ABHD3: variants seen among roughly 807,000 people sequenced by gnomAD.
The protein encoded by ABHD3 is abhydrolase domain containing 3, phospholipase.
Under a neutral mutation model 48.8 loss-of-function variants are expected in ABHD3, and 46 were observed. The ratio of observed to expected loss-of-function variants is 0.94; its 90% CI spans 0.74 to 1.20. The LOEUF (loss-of-function observed/expected upper bound fraction) is 1.20, where lower values mean the gene tolerates loss of function less well. Among genes scored for constraint, ABHD3 ranks in the 50% most tolerant of loss-of-function variants. The pLI is 0.00. For synonymous variants in ABHD3, 192 were observed against 183.7 expected (o/e 1.04, Z -0.36); for missense variants, 490 against 497.8 (o/e 0.98, Z 0.15).
intron 8 of ABHD3, among the ~76,000 whole-genome samples, chr18:21,652,073 A>G (rs1422640547): frequency 6.6e-6 from 1 of 152,220 alleles, no homozygotes; most frequent in Non-Finnish European, 1.5e-5. Flanking sequence ...AAGTAAGACA[A>G]TTCAAGGAAT....
Position 21,704,623 on chromosome 18 carries a change from G to C in ABHD3, c.43C>G (p.Leu15Val), listed in dbSNP as rs935575726. 4.5e-6 allele frequency: 7 copies of C among 1,550,174 alleles called. No individual in the cohort carries two copies. Among genetic ancestry groups the C allele is most frequent in the Non-Finnish European group, 6.1e-6 (7 of 1,151,274 alleles). The change falls in exon 1 of 9, where the codon CTC (leucine) becomes GTC (valine). Residue 15 changes from leucine (L) to valine (V), a missense_variant. Physicochemically the swap from Leu to Val is conservative, Grantham distance 32 (BLOSUM62 1). Coordinates refer to ENST00000289119, the MANE Select transcript of ABHD3 (RefSeq NM_138340.5). ...ACTTGGTGTTCCAGGTAGAGGGAGA[G>C]CTCCCGGGACAACATCCGCAGGTCC... ...AMDLRMLSRE[L>V]SLYLEHQVRV...
At chr18:21,657,495 C>T (rs2039385374) in intron 6 of ABHD3, among the ~76,000 whole-genome samples, 2 of 151,918 alleles carry the variant, frequency 1.3e-5, no homozygotes, top group African/African-American at 4.8e-5. Flanking sequence ...TGCACCACCA[C>T]ACCCCACCAA....
chr18:21,656,758 C>T (rs1432909582), intron 8 of ABHD3, 103 bp downstream of exon 8: 1 of 1,150,798 alleles, frequency 8.7e-7, no homozygotes, highest in Admixed American at 2.9e-5. Context: ...GTTTTTTTAT[C>T]ATAATGGAAA....
At chr18:21,662,803 T>G (rs189792493) in intron 5 of ABHD3, among the ~76,000 whole-genome samples, 4 of 152,342 alleles carry the variant, frequency 2.6e-5, no homozygotes, top group Non-Finnish European at 5.9e-5. Context: ...CTTCAGGCAC[T>G]GAGGCTTCAA....
chr18:21,684,966 G>A (rs531171723), intron 3 of ABHD3, among the ~76,000 whole-genome samples: 16 of 152,294 alleles, frequency 1.1e-4, no homozygotes, highest in South Asian at 2.1e-4. Context: ...GTAAGTACTC[G>A]GTGAAAGTTA....
rs377034600 is a variant in ABHD3, at chr18:21,704,579, G to A, written c.87C>T (p.Gly29=). The change falls in exon 1 of 9, where the codon GGC becomes GGT. Residue 29 remains glycine (G), a synonymous_variant. Coordinates refer to ENST00000289119, the MANE Select transcript of ABHD3 (RefSeq NM_138340.5). ...GGATAAGGGATAAGCCCACCCCCGA[G>A]CCGAAGAACCCCACCCGGACTTGGT... is the stretch of plus-strand genomic sequence containing the variant. ...LEHQVRVGFF[G]SGVGLSLILG... The A allele has an allele frequency of 1.1e-5, 17 of 1,547,638 alleles. No homozygotes were observed. The highest frequency in any genetic ancestry group is 8.7e-7 in the Non-Finnish European group (1 of 1,149,958).
At chr18:21,670,515 G>A (rs1320504599) in intron 4 of ABHD3, among the ~76,000 whole-genome samples, 2 of 152,158 alleles carry the variant, frequency 1.3e-5, no homozygotes, top group African/African-American at 4.8e-5. Context: ...TTAAGCCTCT[G>A]CCAAGCATTC....
chr18:21,703,814 C>G, intron 1 of ABHD3, 67 bp from the exon 2 acceptor site: 1 of 1,552,614 alleles, frequency 6.4e-7, no homozygotes, highest in Non-Finnish European at 8.8e-7. Flanking sequence ...AACCAGAAAC[C>G]GGCAAAGACT....
chr18:21,663,180 T>G (rs2039541501), intron 5 of ABHD3, among the ~76,000 whole-genome samples: 1 of 152,158 alleles, frequency 6.6e-6, no homozygotes, highest in Non-Finnish European at 1.5e-5. Context: ...GTAAATGCTG[T>G]TCATTATCTT....
chr18:21,663,283 A>G (rs2039544117), intron 5 of ABHD3, among the ~76,000 whole-genome samples: 1 of 152,140 alleles, frequency 6.6e-6, no homozygotes, highest in Non-Finnish European at 1.5e-5. Flanking sequence ...AAGATGTTCT[A>G]AAAACTGAAA....
chr18:21,655,167 A>G (rs1344582639), intron 8 of ABHD3: 3 of 151,952 alleles, frequency 2.0e-5, no homozygotes, highest in African/African-American at 7.3e-5. Context: ...ATATACACAC[A>G]CTGGGGATTT....
At chr18:21,671,515 G>A (rs1282231621) in intron 4 of ABHD3, among the ~76,000 whole-genome samples, 2 of 151,960 alleles carry the variant, frequency 1.3e-5, no homozygotes, top group Non-Finnish European at 2.9e-5. Context: ...TCTGTTACTC[G>A]GGCTAGTAAT....
At chr18:21,666,625 T>C (rs533634883) in intron 4 of ABHD3, among the ~76,000 whole-genome samples, 24 of 152,284 alleles carry the variant, frequency 1.6e-4, no homozygotes, top group African/African-American at 5.8e-4. Flanking sequence ...CCACTGTGCC[T>C]GGCCAAACAT....
chr18:21,684,311 CTTTTTTTTTTTT>C (rs564516602), intron 3 of ABHD3, among the ~76,000 whole-genome samples: 1 of 82,818 alleles, frequency 1.2e-5, no homozygotes, highest in South Asian at 4.9e-4. Context: ...AATGTTTTTG[CTTTTTTTTTTTT>C]TTTTTTTTTT....
chr18:21,667,326 C>T (rs1254676703), intron 4 of ABHD3, among the ~76,000 whole-genome samples: 1 of 148,504 alleles, frequency 6.7e-6, no homozygotes, highest in Non-Finnish European at 1.5e-5. Context: ...CTCACCGCAA[C>T]CTCCGCCTCC....
rs559140747 is a variant in ABHD3, at chr18:21,695,759, AT to A, written c.509+6556del. On this transcript the variant is annotated intron_variant, in intron 3 of 8. Transcript: ENST00000289119. ...ATTTTTACATGAGAGAAATAAGTTT[AT>A]ACCGTCACTACTATTTTGAGTTTTT... 9.8e-5 allele frequency among the ~76,000 whole-genome samples: 15 copies of A among 152,290 alleles called. 1 individual carries two copies. In the South Asian group the frequency reaches 2.3e-3, roughly 23 times the overall value.
At chr18:21,671,026 A>G (rs1391952342) in intron 4 of ABHD3, among the ~76,000 whole-genome samples, 2 of 152,088 alleles carry the variant, frequency 1.3e-5, no homozygotes, top group Non-Finnish European at 2.9e-5. Context: ...AAAAATAAAT[A>G]AATGTCACAA....
chr18:21,686,456 A>C (rs564921041), intron 3 of ABHD3, among the ~76,000 whole-genome samples: 1 of 152,366 alleles, frequency 6.6e-6, no homozygotes, highest in East Asian at 1.9e-4. Flanking sequence ...AGGCAAGAAC[A>C]CTAGTGACGG....
At chr18:21,701,283 G>C (rs1407927807) in intron 3 of ABHD3, 2 of 150,384 alleles carry the variant, frequency 1.3e-5, no homozygotes, top group African/African-American at 4.9e-5. Flanking sequence ...GCACGATCAT[G>C]GTTCACTACA....
Sources: allele counts gnomAD v4.1 joint callset (sites outside exome capture counted in the v4.1 genomes callset), GRCh38; gene constraint gnomAD v4.1.1; transcripts MANE v1.5; gene names NCBI Gene and HGNC (gene_info 2026-07-23, HGNC 2026-07-21).